Variants in ZNF723 observed in about 807,000 individuals in gnomAD.
ZNF723 encodes the protein zinc finger protein 723.
ZNF723 carries 5 observed loss-of-function variants against 9.4 expected under a neutral mutation model. That is an observed-to-expected ratio of 0.53 (90% CI 0.28 to 1.12). The LOEUF (loss-of-function observed/expected upper bound fraction) is 1.12, where lower values mean the gene tolerates loss of function less well. ZNF723 is among the 50% of genes most tolerant of loss of function. ZNF723 has a pLI of 0.10. For synonymous variants in ZNF723, 158 were observed against 168.8 expected (o/e 0.94, Z 0.49); for missense variants, 450 against 501.5 (o/e 0.90, Z 0.98).
At chr19:22,820,781 A>G in the ZNF723 span, among the ~76,000 whole-genome samples, 1 of 152,174 alleles carries the variant, frequency 6.6e-6, no homozygotes, top group South Asian at 2.1e-4. Flanking sequence ...TGTTTCTCAT[A>G]TGCACACCCT....
Position 22,832,301 on chromosome 19 carries a change from C to G in ZNF723, c.-79C>G. The stretch of plus-strand genomic sequence containing the variant: ...GGGATTTGGCGCGGCCTTTTGAGTT[C>G]CTGGTCTCTGTGGCCTCCTGACCTA... On this transcript the variant is annotated 5_prime_UTR_variant, in exon 1 of 4. Coordinates refer to ENST00000600766, the MANE Select transcript of ZNF723 (RefSeq NM_001349726.2). The G allele has an allele frequency of 7.7e-7, 1 of 1,290,572 alleles. No homozygotes were observed. Among genetic ancestry groups the G allele is most frequent in the South Asian group, 1.2e-5 (1 of 83,066 alleles). The allele number at this position is 1,290,572 out of a possible 1,614,324, so 79.9% of individuals were successfully genotyped here.
chr19:22,855,429 A>G (rs1967463663), intron 3 of ZNF723, among the ~76,000 whole-genome samples: 1 of 152,010 alleles, frequency 6.6e-6, no homozygotes, highest in Non-Finnish European at 1.5e-5. Context: ...GGGTTTTGCC[A>G]TGTTGGCCAG....
the ZNF723 span, among the ~76,000 whole-genome samples, chr19:22,823,414 T>C: frequency 3.2e-4 from 49 of 152,294 alleles, no homozygotes; most frequent in African/African-American, 1.2e-3. Context: ...AGATAGTGAA[T>C]CTTGGACCAA....
At chr19:22,813,632 T>G in the ZNF723 span, among the ~76,000 whole-genome samples, 1 of 151,570 alleles carries the variant, frequency 6.6e-6, no homozygotes. Context: ...TCACAGCTGC[T>G]TGGGAGGCTG....
chr19:22,832,468 C>T (rs938418151), intron 1 of ZNF723, 86 bp downstream of exon 1: 7 of 1,256,988 alleles, frequency 5.6e-6, no homozygotes, highest in Admixed American at 1.8e-5. Context: ...CTCAGGCCTC[C>T]CTGCTGTCAG....
chr19:22,856,077 A>G (rs1345117493), intron 3 of ZNF723, among the ~76,000 whole-genome samples: 1 of 152,078 alleles, frequency 6.6e-6, no homozygotes, highest in Non-Finnish European at 1.5e-5. Flanking sequence ...CTCCTGCCTC[A>G]GCCTCCTGAG....
the ZNF723 span, among the ~76,000 whole-genome samples, chr19:22,819,426 C>G: frequency 5.9e-5 from 9 of 152,204 alleles, no homozygotes; most frequent in African/African-American, 2.2e-4. Flanking sequence ...TCCTCCTGGT[C>G]ACTGCTCACA....
chr19:22,819,898 T>C, the ZNF723 span, among the ~76,000 whole-genome samples: 5 of 152,150 alleles, frequency 3.3e-5, no homozygotes, highest in African/African-American at 9.7e-5. Context: ...TTGTGACATA[T>C]GTGTGGGTCA....
the ZNF723 span, among the ~76,000 whole-genome samples, chr19:22,816,853 C>T: frequency 2.0e-5 from 3 of 152,218 alleles, no homozygotes; most frequent in African/African-American, 7.2e-5. Flanking sequence ...CCAGCCTTTC[C>T]TCTGCCTACA....
chr19:22,829,208 C>T (rs11882287), upstream of ZNF723, among the ~76,000 whole-genome samples: 9 of 143,458 alleles, frequency 6.3e-5, no homozygotes, highest in East Asian at 1.4e-3. Context: ...ATAAAATAAC[C>T]GGAAGCCCAT....
intron 1 of ZNF723, among the ~76,000 whole-genome samples, chr19:22,845,223 G>A (rs1186994697): frequency 6.6e-6 from 1 of 152,218 alleles, no homozygotes; most frequent in African/African-American, 2.4e-5. Flanking sequence ...GTTAAAGCTT[G>A]AGAGACAATG....
upstream of ZNF723, among the ~76,000 whole-genome samples, chr19:22,830,200 C>T (rs976136470): frequency 1.7e-4 from 26 of 152,186 alleles, no homozygotes; most frequent in African/African-American, 6.0e-4. Context: ...CAGTGTCTCA[C>T]TCTTTTATCC....
At chr19:22,820,770 G>A in the ZNF723 span, among the ~76,000 whole-genome samples, 2 of 152,152 alleles carry the variant, frequency 1.3e-5, no homozygotes, top group Non-Finnish European at 2.9e-5. Context: ...ACGTGATACG[G>A]TGTTTCTCAT....
At chr19:22,823,324 T>G in the ZNF723 span, among the ~76,000 whole-genome samples, 1 of 152,214 alleles carries the variant, frequency 6.6e-6, no homozygotes, top group Non-Finnish European at 1.5e-5. Flanking sequence ...CACAGTCCAC[T>G]GTTGAGGTTC....
chr19:22,831,019 T>C (rs373225410), upstream of ZNF723, among the ~76,000 whole-genome samples: 5 of 152,088 alleles, frequency 3.3e-5, no homozygotes, highest in African/African-American at 1.2e-4. Flanking sequence ...TACCTCGGCC[T>C]CCCAGAGTGC....
At position 22,832,401 on chromosome 19, in the gene ZNF723, A is replaced by G. The variant is rs1416020426; in HGVS notation, c.3+19A>G. 10 of 1,367,658 alleles carry G rather than the reference A, an allele frequency of 7.3e-6. No individual in the cohort carries two copies. Among genetic ancestry groups the G allele is most frequent in the Non-Finnish European group, 1.0e-5 (10 of 973,590 alleles). 84.7% of individuals were successfully genotyped at this position (1,367,658 alleles called of 1,614,324 possible). A position where few individuals can be genotyped will look rare whatever the true frequency, so the allele number is the denominator to read the frequency against. On this transcript the variant is annotated intron_variant, in intron 1 of 3. Transcript: ENST00000600766. The stretch of plus-strand genomic sequence containing the variant: ...AGAAATGGTGAGAGTACCGGGTCCG[A>G]CATCCCGAGAGAGGGGAAGGGCTGG...
At chr19:22,849,035 A>T (rs975459891) in intron 2 of ZNF723, among the ~76,000 whole-genome samples, 163 bp from the exon 3 acceptor site, 3 of 152,078 alleles carry the variant, frequency 2.0e-5, no homozygotes, top group African/African-American at 7.2e-5. Flanking sequence ...GATTACAGGC[A>T]TGAGTCACCG....
At chr19:22,831,218 TG>T (rs1967089714), upstream of ZNF723, among the ~76,000 whole-genome samples, 1 of 152,184 alleles carries the variant, frequency 6.6e-6, no homozygotes, top group Non-Finnish European at 1.5e-5. Flanking sequence ...TGTGCTAGTT[TG>T]GTGAAGGGCT....
chr19:22,815,608 T>C, the ZNF723 span, among the ~76,000 whole-genome samples: 1 of 152,112 alleles, frequency 6.6e-6, no homozygotes, highest in Non-Finnish European at 1.5e-5. Context: ...TAGCCACAGG[T>C]AGAATTGTGA....
Sources: allele counts gnomAD v4.1 joint callset (sites outside exome capture counted in the v4.1 genomes callset), GRCh38; gene constraint gnomAD v4.1.1; transcripts MANE v1.5; gene names NCBI Gene and HGNC (gene_info 2026-07-23, HGNC 2026-07-21).